Variants in HS2ST1 observed in about 807,000 individuals in gnomAD.
HS2ST1 encodes the protein heparan sulfate 2-O-sulfotransferase 1.
Under a neutral mutation model 42.9 loss-of-function variants are expected in HS2ST1, and 18 were observed. That is an observed-to-expected ratio of 0.42 (90% CI 0.29 to 0.62). HS2ST1 has a LOEUF of 0.62. HS2ST1 is among the 20% of genes least tolerant of loss of function. HS2ST1 has a pLI of 0.21. For synonymous variants in HS2ST1, 146 were observed against 152.9 expected (o/e 0.95, Z 0.33); for missense variants, 334 against 433.8 (o/e 0.77, Z 2.04).
At chr1:87,097,502 T>C (rs566365638) in intron 4 of HS2ST1, among the ~76,000 whole-genome samples, 1 of 152,302 alleles carries the variant, frequency 6.6e-6, no homozygotes, top group East Asian at 1.9e-4. Context: ...CAAGCGATTC[T>C]CCCGCCTCAG....
At position 87,103,648 on chromosome 1, in the gene HS2ST1, A is replaced by G. The variant is rs529006847; in HGVS notation, c.844+59A>G. On this transcript the variant is annotated intron_variant, in intron 6 of 6. Coordinates refer to ENST00000370550, the MANE Select transcript of HS2ST1 (RefSeq NM_012262.4). ...CTTTGGTTTGGTTTTTTGGTTTGCA[A>G]CTTGTAAATATGTGATTTGAAGTTT... is the stretch of plus-strand genomic sequence containing the variant. 2.4e-5 allele frequency: 32 copies of G among 1,346,974 alleles called. No individual in the cohort carries two copies. In the Middle Eastern group the frequency reaches 7.2e-4, roughly 30 times the overall value. The allele number at this position is 1,346,974 out of a possible 1,614,324, so 83.4% of individuals were successfully genotyped here. A position where few individuals can be genotyped will look rare whatever the true frequency, so the allele number is the denominator to read the frequency against.
At chr1:87,096,424 A>G (rs969672861) in intron 4 of HS2ST1, among the ~76,000 whole-genome samples, 2 of 152,214 alleles carry the variant, frequency 1.3e-5, no homozygotes, top group Non-Finnish European at 2.9e-5. Flanking sequence ...AAAAACTCAT[A>G]TACATTAATA....
intron 1 of HS2ST1, among the ~76,000 whole-genome samples, chr1:86,975,193 A>G (rs7546525): frequency 0.76 from 115,443 of 151,970 alleles, 44,614 homozygotes; most frequent in East Asian, 0.96. Context: ...TTTTATACGC[A>G]TATTTTAAAA....
rs79322981 is a variant in HS2ST1 at position 86,975,995 on chromosome 1, T to C, written c.124+60835T>C. 2.7e-3 allele frequency among the ~76,000 whole-genome samples: 407 copies of C among 152,338 alleles called. 1 individual carries two copies. The highest frequency in any genetic ancestry group is 9.3e-3 in the African/African-American group (388 of 41,588). ...CAAATTTAAAGTGCCATGGCAAATGTATCTTTGGTATTTTTTGTCCTAATT... is the reference window on the plus strand; with the variant it reads ...CAAATTTAAAGTGCCATGGCAAATGCATCTTTGGTATTTTTTGTCCTAATT... On this transcript the variant is annotated intron_variant, in intron 1 of 6. Coordinates refer to ENST00000370550, the MANE Select transcript of HS2ST1 (RefSeq NM_012262.4).
chr1:87,087,009 TTGAG>T (rs1203822460), intron 3 of HS2ST1, among the ~76,000 whole-genome samples: 3 of 152,236 alleles, frequency 2.0e-5, no homozygotes, highest in African/African-American at 7.2e-5. Flanking sequence ...AAATATAAAG[TTGAG>T]TAAGTTGCAG....
At chr1:86,949,519 G>A (rs904043111) in intron 1 of HS2ST1, among the ~76,000 whole-genome samples, 1 of 152,156 alleles carries the variant, frequency 6.6e-6, no homozygotes, top group African/African-American at 2.4e-5. Flanking sequence ...GCAGTGAGCT[G>A]AGATAGAGCC....
At chr1:86,977,692 A>C (rs1648459521) in intron 1 of HS2ST1, among the ~76,000 whole-genome samples, 1 of 152,254 alleles carries the variant, frequency 6.6e-6, no homozygotes, top group African/African-American at 2.4e-5. Context: ...AAAGCAAGGC[A>C]GTGTCAAATT....
chr1:86,942,652 G>GA (rs1660787596), intron 1 of HS2ST1, among the ~76,000 whole-genome samples: 1 of 152,108 alleles, frequency 6.6e-6, no homozygotes, highest in African/African-American at 2.4e-5. Flanking sequence ...TTTGGCAAAT[G>GA]AAAAAGGTAT....
Position 86,962,963 on chromosome 1 carries a change from C to T in HS2ST1, c.124+47803C>T, listed in dbSNP as rs375139484. ...CTTCTCTTCCAAGGTAGTGATTCTCCTCTAGTCTTCAACCCCTAGAAAAAG... is the reference window on the plus strand; with the variant it reads ...CTTCTCTTCCAAGGTAGTGATTCTCTTCTAGTCTTCAACCCCTAGAAAAAG... On this transcript the variant is annotated intron_variant, in intron 1 of 6. Coordinates refer to ENST00000370550, the MANE Select transcript of HS2ST1 (RefSeq NM_012262.4). Among the ~76,000 whole-genome samples, 20 of 152,166 alleles carry T rather than the reference C, an allele frequency of 1.3e-4. No individual in the cohort carries two copies. The South Asian group carries it at 2.3e-3, about 17-fold the overall frequency.
rs1468008603 is a variant in HS2ST1 at position 86,987,050 on chromosome 1, T to A, written c.124+71890T>A. Reference sequence around the variant, plus strand: ...ACTGTTACACGCTTTCCACCACTATTAAGGTTGTGATAGCCAGGTTTTTTT... The same window carrying A: ...ACTGTTACACGCTTTCCACCACTATAAAGGTTGTGATAGCCAGGTTTTTTT... On this transcript the variant is annotated intron_variant, in intron 1 of 6. Coordinates refer to ENST00000370550, the MANE Select transcript of HS2ST1 (RefSeq NM_012262.4). Among the ~76,000 whole-genome samples the A allele has an allele frequency of 3.4e-5, 5 of 147,522 alleles. No individual in the cohort carries two copies. The South Asian group carries it at 1.1e-3, about 32-fold the overall frequency.
intron 1 of HS2ST1, among the ~76,000 whole-genome samples, chr1:87,032,339 A>G (rs1650260265): frequency 6.6e-6 from 1 of 152,120 alleles, no homozygotes; most frequent in Admixed American, 6.5e-5. Context: ...GTGAGAATTA[A>G]TCTATTTTGG....
chr1:86,965,327 A>G (rs10747331), intron 1 of HS2ST1, among the ~76,000 whole-genome samples: 105,612 of 151,726 alleles, frequency 0.7, 39,026 homozygotes, highest in East Asian at 0.97. Context: ...CATTTATCCC[A>G]AAATTCTTGA....
intron 1 of HS2ST1, among the ~76,000 whole-genome samples, chr1:87,069,894 A>G (rs529847860): frequency 2.6e-5 from 4 of 152,352 alleles, no homozygotes; most frequent in African/African-American, 7.2e-5. Flanking sequence ...CCGGAGGTGT[A>G]GCAAAGTTGA....
At chr1:86,934,927 C>CAAAAAAAAAAAAAAAA (rs35669188) in intron 1 of HS2ST1, 2 of 48,072 alleles carry the variant, frequency 4.2e-5, no homozygotes, top group African/African-American at 2.1e-4. Context: ...GACTCCATCC[C>CAAAAAAAAAAAAAAAA]AAAAAAAAAA....
intron 1 of HS2ST1, among the ~76,000 whole-genome samples, chr1:86,971,362 C>A (rs929206115): frequency 6.6e-6 from 1 of 152,100 alleles, no homozygotes. Flanking sequence ...TGTGAGCTAC[C>A]CAAGCATCCT....
intron 1 of HS2ST1, among the ~76,000 whole-genome samples, chr1:86,942,282 A>G (rs1660779641): frequency 6.6e-6 from 1 of 152,224 alleles, no homozygotes; most frequent in African/African-American, 2.4e-5. Flanking sequence ...CATCACTCAA[A>G]CCAGCCAACT....
intron 1 of HS2ST1, among the ~76,000 whole-genome samples, chr1:87,038,465 A>T (rs556564065): frequency 6.6e-6 from 1 of 152,174 alleles, no homozygotes; most frequent in Admixed American, 6.5e-5. Flanking sequence ...TAAATGTCAA[A>T]TGGAAATTCA....
At chr1:86,984,426 A>G (rs747705853) in intron 1 of HS2ST1, among the ~76,000 whole-genome samples, 2 of 152,214 alleles carry the variant, frequency 1.3e-5, no homozygotes, top group Non-Finnish European at 2.9e-5. Flanking sequence ...TCAAGAAGCA[A>G]TCCCTGCATT....
chr1:87,077,768 A>G (rs750636683), intron 2 of HS2ST1, among the ~76,000 whole-genome samples: 18 of 152,180 alleles, frequency 1.2e-4, no homozygotes, highest in Non-Finnish European at 2.2e-4. Flanking sequence ...GAACAAATGG[A>G]CCAACATAGA....
Sources: gnomAD v4.1 joint callset for allele counts (sites outside exome capture counted in the v4.1 genomes callset) on GRCh38, gnomAD v4.1.1 for gene constraint, MANE v1.5 for transcripts, NCBI Gene and HGNC (gene_info 2026-07-23, HGNC 2026-07-21) for gene names.